ZFYVE9: variants seen among roughly 807,000 people sequenced by gnomAD.
ZFYVE9 encodes the protein zinc finger FYVE-type containing 9.
Under a neutral mutation model 126.7 loss-of-function variants are expected in ZFYVE9, and 43 were observed. The observed-to-expected ratio is 0.34, with a 90% CI of 0.27 to 0.44. ZFYVE9 has a LOEUF of 0.44. Among genes scored for constraint, ZFYVE9 ranks in the 20% least tolerant of loss-of-function variants. The pLI is 1.00. For missense variants in ZFYVE9, 1,476 were observed against 1,697.0 expected, an observed-to-expected ratio of 0.87 and a Z score of 2.29; for synonymous variants, 521 against 597.4, an observed-to-expected ratio of 0.87 and a Z score of 1.87.
At chr1:52,228,287 C>T (rs1645187315) in intron 2 of ZFYVE9, among the ~76,000 whole-genome samples, 1 of 152,128 alleles carries the variant, frequency 6.6e-6, no homozygotes, top group Admixed American at 6.5e-5. Flanking sequence ...ACTATGTTGT[C>T]CAGGCTGATC....
chr1:52,313,465 C>T (rs1003131612), intron 13 of ZFYVE9, among the ~76,000 whole-genome samples: 5 of 152,032 alleles, frequency 3.3e-5, no homozygotes, highest in Admixed American at 2.0e-4. Flanking sequence ...TTTGCAGGAC[C>T]GATTGCCAGA....
chr1:52,204,714 G>T (rs548710561), intron 1 of ZFYVE9, among the ~76,000 whole-genome samples: 2 of 152,074 alleles, frequency 1.3e-5, no homozygotes, highest in South Asian at 2.1e-4. Context: ...ACAACAGAGC[G>T]AGACCCTGTC....
chr1:52,187,295 A>G (rs1431108741), intron 1 of ZFYVE9, among the ~76,000 whole-genome samples: 1 of 152,202 alleles, frequency 6.6e-6, no homozygotes, highest in African/African-American at 2.4e-5. Context: ...CCCCTTCTTT[A>G]TACCATGCAC....
intron 13 of ZFYVE9, among the ~76,000 whole-genome samples, chr1:52,328,152 GGAGAAGATGTGACATA>G (rs978369770): frequency 1.3e-5 from 2 of 152,164 alleles, no homozygotes; most frequent in Non-Finnish European, 2.9e-5. Flanking sequence ...AGGACAAGCT[GGAGAAGATGTGACATA>G]GAGCTGTGCT....
intron 10 of ZFYVE9, among the ~76,000 whole-genome samples, chr1:52,284,120 T>C (rs560335484): frequency 6.6e-6 from 1 of 152,316 alleles, no homozygotes; most frequent in East Asian, 1.9e-4. Flanking sequence ...ACCATCTTGA[T>C]GAATAACAGA....
At chr1:52,283,293 G>A (rs1183396807) in intron 10 of ZFYVE9, among the ~76,000 whole-genome samples, 1 of 152,142 alleles carries the variant, frequency 6.6e-6, no homozygotes, top group African/African-American at 2.4e-5. Flanking sequence ...AGAGACTAGG[G>A]TATGGGAGGT....
chr1:52,231,744 C>T (rs1645224388), intron 2 of ZFYVE9, among the ~76,000 whole-genome samples: 1 of 151,960 alleles, frequency 6.6e-6, no homozygotes, highest in Non-Finnish European at 1.5e-5. Flanking sequence ...CCTCCTCAGC[C>T]TCCTGAGTAG....
At chr1:52,216,084 T>C (rs1039628056) in intron 1 of ZFYVE9, among the ~76,000 whole-genome samples, 6 of 152,174 alleles carry the variant, frequency 3.9e-5, no homozygotes, top group African/African-American at 1.4e-4. Flanking sequence ...TTAAAGTCAT[T>C]GGGTAGAAAG....
intron 4 of ZFYVE9, among the ~76,000 whole-genome samples, chr1:52,245,768 A>G (rs1645378686): frequency 6.6e-6 from 1 of 152,150 alleles, no homozygotes; most frequent in Admixed American, 6.5e-5. Flanking sequence ...CATTGAAGAA[A>G]CTGATACGGT....
chr1:52,201,139 T>G (rs1644919301), intron 1 of ZFYVE9, among the ~76,000 whole-genome samples: 1 of 152,208 alleles, frequency 6.6e-6, no homozygotes, highest in Admixed American at 6.5e-5. Context: ...TTCATTTATT[T>G]GGTTCTTTTA....
At chr1:52,261,309 T>C (rs1264642754) in intron 4 of ZFYVE9, among the ~76,000 whole-genome samples, 1 of 151,130 alleles carries the variant, frequency 6.6e-6, no homozygotes, top group Non-Finnish European at 1.5e-5. Context: ...GCAGTCATAG[T>C]GTAGTGTGTC....
chr1:52,177,146 C>G (rs1389853762), intron 1 of ZFYVE9, among the ~76,000 whole-genome samples: 1 of 150,780 alleles, frequency 6.6e-6, no homozygotes, highest in African/African-American at 2.4e-5. Flanking sequence ...CTCCCCAGCC[C>G]GATTTTTTTT....
In ZFYVE9 at chr1:52,346,021, T is replaced by C. The variant is rs757966428; in HGVS notation, c.4117-39T>C. The C allele has an allele frequency of 5.9e-6, 9 of 1,528,240 alleles. No individual in the cohort carries two copies. In the African/African-American group the frequency reaches 1.1e-4, roughly 19 times the overall value. The allele number at this position is 1,528,240 out of a possible 1,614,324, so 94.7% of individuals were successfully genotyped here. A position where few individuals can be genotyped will look rare whatever the true frequency, so the allele number is the denominator to read the frequency against. The stretch of plus-strand genomic sequence containing the variant: ...CCCTCAGCCCTGGAGAGGCCTTCTC[T>C]GTTCAGTAACCTCTCCTCCTTTTCT... On this transcript the variant is annotated intron_variant, in intron 18 of 18. Transcript: ENST00000287727.
At chr1:52,342,744 G>C (rs1569792807) in intron 17 of ZFYVE9, among the ~76,000 whole-genome samples, 1 of 152,176 alleles carries the variant, frequency 6.6e-6, no homozygotes, top group African/African-American at 2.4e-5. Context: ...ATGTTGGCCA[G>C]GCTGGTCTCA....
intron 1 of ZFYVE9, chr1:52,162,402 A>G: frequency 3.3e-6 from 1 of 304,106 alleles, no homozygotes; most frequent in South Asian, 4.3e-5. Flanking sequence ...CTGCCCATAT[A>G]GATGCCTGGT....
At chr1:52,204,322 G>A (rs991504480) in intron 1 of ZFYVE9, among the ~76,000 whole-genome samples, 59 of 152,278 alleles carry the variant, frequency 3.9e-4, no homozygotes, top group African/African-American at 1.4e-3. Context: ...AGGATAGCAA[G>A]AATGGGCTGG....
At chr1:52,266,911 A>C (rs560519436) in intron 6 of ZFYVE9, 80 bp downstream of exon 6, 12 of 1,352,788 alleles carry the variant, frequency 8.9e-6, no homozygotes, top group South Asian at 1.7e-5. Context: ...TTACAGCACA[A>C]GTCTTAAAAA....
intron 8 of ZFYVE9, among the ~76,000 whole-genome samples, chr1:52,276,258 TCAACTTTATTTC>T (rs1645747875): frequency 6.6e-6 from 1 of 152,182 alleles, no homozygotes; most frequent in South Asian, 2.1e-4. Flanking sequence ...CCATTTATTA[TCAACTTTATTTC>T]CAGCTATTCC....
intron 1 of ZFYVE9, among the ~76,000 whole-genome samples, chr1:52,190,714 C>G (rs769765748): frequency 4.0e-4 from 61 of 152,148 alleles, no homozygotes; most frequent in Non-Finnish European, 7.1e-4. Context: ...AACTGCAGCA[C>G]TTTAAACATG....
Sources: allele counts gnomAD v4.1 joint callset (sites outside exome capture counted in the v4.1 genomes callset), GRCh38; gene constraint gnomAD v4.1.1; transcripts MANE v1.5; gene names NCBI Gene and HGNC (gene_info 2026-07-23, HGNC 2026-07-21).